The following FAM169A variants were observed in gnomAD, a reference collection of about 807,000 sequenced individuals.
The protein encoded by FAM169A is family with sequence similarity 169 member A.
Under a neutral mutation model 75.7 loss-of-function variants are expected in FAM169A, and 24 were observed. The ratio of observed to expected loss-of-function variants is 0.32; its 90% CI spans 0.23 to 0.45. The LOEUF (loss-of-function observed/expected upper bound fraction) is 0.45, where lower values mean the gene tolerates loss of function less well. FAM169A is among the 20% of genes least tolerant of loss of function. FAM169A has a pLI of 1.00. For synonymous variants in FAM169A, 271 were observed against 271.0 expected, an observed-to-expected ratio of 1.00 and a Z score of 0.00; for missense variants, 673 against 784.0, an observed-to-expected ratio of 0.86 and a Z score of 1.69.
intron 10 of FAM169A, chr5:74,799,120 G>C (rs1746431573): frequency 1.0e-5 from 10 of 995,616 alleles, no homozygotes. Context: ...GCGCCAGTGT[G>C]TGAAAGCTCA....
At chr5:74,863,091 T>C (rs956380918) in intron 1 of FAM169A, among the ~76,000 whole-genome samples, 5 of 148,642 alleles carry the variant, frequency 3.4e-5, no homozygotes, top group Non-Finnish European at 7.4e-5. Context: ...GCCTAAAAAA[T>C]AGGTTAGCAT....
chr5:74,815,408 C>G (rs1302240682), intron 5 of FAM169A, among the ~76,000 whole-genome samples: 6 of 152,074 alleles, frequency 3.9e-5, no homozygotes, highest in Non-Finnish European at 8.8e-5. Context: ...CTAGGCTGGT[C>G]TTGAACTCCT....
At chr5:74,828,701 GGA>G (rs1748159332) in intron 5 of FAM169A, among the ~76,000 whole-genome samples, 1 of 152,170 alleles carries the variant, frequency 6.6e-6, no homozygotes, top group Admixed American at 6.5e-5. Flanking sequence ...TGGCATCTTA[GGA>G]TTCAGTTACT....
At chr5:74,800,105 G>C (rs993108278) in intron 10 of FAM169A, 2 of 603,752 alleles carry the variant, frequency 3.3e-6, no homozygotes, top group Non-Finnish European at 3.1e-6. Flanking sequence ...GCCATCCAGC[G>C]TGACAAACTA....
At chr5:74,809,676 T>C (rs1408415096) in intron 6 of FAM169A, among the ~76,000 whole-genome samples, 1 of 152,200 alleles carries the variant, frequency 6.6e-6, no homozygotes, top group Non-Finnish European at 1.5e-5. Context: ...ACAAACACTT[T>C]ACTTGTTCTA....
chr5:74,793,384 T>A (rs1746080223), intron 11 of FAM169A, among the ~76,000 whole-genome samples: 1 of 145,320 alleles, frequency 6.9e-6, no homozygotes, highest in African/African-American at 2.6e-5. Flanking sequence ...GCCACAAAAA[T>A]GAATGAAATA....
At chr5:74,819,628 C>G (rs1048522082) in intron 5 of FAM169A, among the ~76,000 whole-genome samples, 7 of 152,036 alleles carry the variant, frequency 4.6e-5, no homozygotes, top group Non-Finnish European at 8.8e-5. Context: ...TTCAAAATAG[C>G]AACAATGACA....
rs746054700 is a variant in FAM169A at position 74,781,430 on chromosome 5, A to G, written c.*30T>C. The G allele has an allele frequency of 1.8e-5, 29 of 1,585,656 alleles. No homozygotes were observed. The highest frequency in any genetic ancestry group is 1.8e-5 in the Non-Finnish European group (21 of 1,161,292). ...AAAAACAACAACTATGTTACAAAGA[A>G]GAGGATTTATCATCCACTTTCTTCT... is the stretch of plus-strand genomic sequence containing the variant. On this transcript the variant is annotated 3_prime_UTR_variant, in exon 13 of 13. Coordinates refer to ENST00000687041, the MANE Select transcript of FAM169A (RefSeq NM_001376049.1).
At chr5:74,814,823 G>A (rs1055692831) in intron 5 of FAM169A, among the ~76,000 whole-genome samples, 1 of 152,130 alleles carries the variant, frequency 6.6e-6, no homozygotes, top group African/African-American at 2.4e-5. Context: ...GAGGGAACGT[G>A]GTGGTGTGTC....
At chr5:74,794,768 A>G (rs58367004) in intron 11 of FAM169A, among the ~76,000 whole-genome samples, 46,276 of 145,680 alleles carry the variant, frequency 0.32, 9,108 homozygotes, top group African/African-American at 0.56. Context: ...GACAGAGCGC[A>G]ACTCCGTCTC....
At chr5:74,803,969 T>C (rs919580198) in intron 8 of FAM169A, among the ~76,000 whole-genome samples, 8 of 152,264 alleles carry the variant, frequency 5.3e-5, no homozygotes, top group African/African-American at 1.9e-4. Flanking sequence ...AAGGATCCTA[T>C]GTTAAGGAAA....
At chr5:74,810,675 G>A (rs563654846) in intron 6 of FAM169A, among the ~76,000 whole-genome samples, 11 of 145,848 alleles carry the variant, frequency 7.5e-5, no homozygotes, top group South Asian at 4.4e-4. Context: ...GTGTGAACCC[G>A]GGAGGCAGAG....
rs192037380 is a variant in FAM169A at position 74,796,549 on chromosome 5, C to A, written c.1104-363G>T. Among the ~76,000 whole-genome samples, 406 of 152,198 alleles carry A rather than the reference C, an allele frequency of 2.7e-3. 5 individuals carry two copies. Among genetic ancestry groups the A allele is most frequent in the African/African-American group, 9.0e-3 (375 of 41,516 alleles). ...GCCCCCGAGCAGCTGAGACTACAGGCACCTGCCATCACGCTCAGCTAATTT... is the reference window on the plus strand; with the variant it reads ...GCCCCCGAGCAGCTGAGACTACAGGAACCTGCCATCACGCTCAGCTAATTT... On this transcript the variant is annotated intron_variant, in intron 10 of 12. Coordinates refer to ENST00000687041, the MANE Select transcript of FAM169A (RefSeq NM_001376049.1).
intron 1 of FAM169A, among the ~76,000 whole-genome samples, chr5:74,846,930 G>A (rs958387328): frequency 5.3e-5 from 8 of 152,090 alleles, no homozygotes; most frequent in African/African-American, 1.9e-4. Flanking sequence ...GGGTGAGACT[G>A]GAACACAGGA....
At chr5:74,824,190 G>C (rs1485380537) in intron 5 of FAM169A, among the ~76,000 whole-genome samples, 1 of 152,168 alleles carries the variant, frequency 6.6e-6, no homozygotes, top group Admixed American at 6.5e-5. Flanking sequence ...TTGTTGACTA[G>C]ATTGTTCTTC....
At chr5:74,804,101 T>C (rs1681440102) in intron 8 of FAM169A, among the ~76,000 whole-genome samples, 2 of 152,058 alleles carry the variant, frequency 1.3e-5, no homozygotes, top group Non-Finnish European at 1.5e-5. Context: ...GAACAGCAGT[T>C]AGAAGCAATC....
intron 1 of FAM169A, among the ~76,000 whole-genome samples, chr5:74,857,843 T>C (rs911428010): frequency 7.2e-5 from 11 of 152,090 alleles, no homozygotes; most frequent in East Asian, 5.8e-4. Flanking sequence ...CTGCCCATTG[T>C]AAGTACTGTC....
intron 5 of FAM169A, among the ~76,000 whole-genome samples, chr5:74,820,557 A>T (rs934218640): frequency 6.6e-6 from 1 of 151,972 alleles, no homozygotes; most frequent in African/African-American, 2.4e-5. Context: ...TGCAGGAATC[A>T]CTTCATAACT....
intron 4 of FAM169A, among the ~76,000 whole-genome samples, chr5:74,835,364 A>G (rs1483433923): frequency 6.6e-6 from 1 of 151,928 alleles, no homozygotes; most frequent in African/African-American, 2.4e-5. Context: ...CACTTTGGGA[A>G]GCTGAGGTGG....
Sources: gnomAD v4.1 joint callset for allele counts (sites outside exome capture counted in the v4.1 genomes callset) on GRCh38, gnomAD v4.1.1 for gene constraint, MANE v1.5 for transcripts, NCBI Gene and HGNC (gene_info 2026-07-23, HGNC 2026-07-21) for gene names.